Variants in ISLR2 observed in about 807,000 individuals in gnomAD.
ISLR2 encodes immunoglobulin superfamily containing leucine-rich repeat protein 2.
In ISLR2, 16 loss-of-function variants were observed where a neutral mutation model predicts 25.5. The observed-to-expected ratio is 0.63, with a 90% confidence interval of 0.43 to 0.95. ISLR2 has a LOEUF of 0.95. ISLR2 is among the 40% of genes least tolerant of loss of function. The pLI is 0.00. For synonymous variants in ISLR2, 508 were observed against 486.6 expected (o/e 1.04, Z -0.58); for missense variants, 883 against 1,030.7 (o/e 0.86, Z 1.96).
At position 74,133,169 on chromosome 15, in the gene ISLR2, C is replaced by T. The variant is rs374707959; in HGVS notation, c.415C>T (p.Pro139Ser). 1 of 1,613,156 alleles carries T rather than the reference C, an allele frequency of 6.2e-7. No homozygotes were observed. The highest frequency in any genetic ancestry group is 1.7e-5 in the Admixed American group (1 of 60,034). Residue 139 changes from proline to serine, a missense_variant, in exon 3 of 3, where the codon CCC becomes TCC. Around this residue, in one of 2 missense-constraint regions of ISLR2, gnomAD observed 271 missense variants for 387.9 expected, o/e 0.70. Coordinates refer to ENST00000453268, the MANE Select transcript of ISLR2 (RefSeq NM_020851.3). The stretch of plus-strand genomic sequence containing the variant: ...GAACCACAACCGCCTGGGCTCTCTG[C>T]CCCGGGACGCACTCGGTGCGCTACC... ...KMNHNRLGSL[P>S]RDALGALPDL...
At chr15:74,123,406 T>G (rs2072268501), upstream of ISLR2, among the ~76,000 whole-genome samples, 1 of 152,136 alleles carries the variant, frequency 6.6e-6, no homozygotes, top group Non-Finnish European at 1.5e-5. Flanking sequence ...CAAACTGGCT[T>G]CTTCTAAGGC....
chr15:74,137,943 C>CTT (rs1043527263), downstream of ISLR2, among the ~76,000 whole-genome samples: 2 of 150,068 alleles, frequency 1.3e-5, no homozygotes, highest in African/African-American at 4.9e-5. Context: ...TGTTTTCTTT[C>CTT]TTTTTTTTTT....
chr15:74,132,811 A>C lies in ISLR2; in HGVS notation c.57A>C (p.Ser19=), dbSNP rs1026416727. ...LVWALLGVAG[S]CPEPCACVDK... The stretch of plus-strand genomic sequence containing the variant: ...GGGCGCTTCTAGGAGTGGCCGGATC[A>C]TGCCCGGAGCCGTGCGCCTGCGTGG... Residue 19 remains serine (S), a synonymous_variant, in exon 3 of 3, where the codon TCA becomes TCC. Transcript: ENST00000453268. This position sits in a 1 kb window ranked among gnomAD's most constrained non-coding sequence, Gnocchi z 4.3. 9.9e-6 allele frequency: 16 copies of C among 1,613,996 alleles called. No individual in the cohort carries two copies. Among genetic ancestry groups the C allele is most frequent in the Non-Finnish European group, 1.3e-5 (15 of 1,179,972 alleles).
chr15:74,113,257 C>T (rs932165140), intron 2 of ISLR2, among the ~76,000 whole-genome samples: 3 of 152,156 alleles, frequency 2.0e-5, no homozygotes, highest in African/African-American at 4.8e-5. Context: ...ACCAGGTCAC[C>T]GACGGGTACA....
rs750461351 is a variant in ISLR2 at position 74,134,358 on chromosome 15, C to CG, written c.1610dup (p.Gly538ArgfsTer82). The CG allele has an allele frequency of 1.3e-6, 2 of 1,597,452 alleles. No homozygotes were observed. Among genetic ancestry groups the CG allele is most frequent in the Non-Finnish European group, 8.5e-7 (1 of 1,174,258 alleles). On this transcript the variant is annotated frameshift_variant, in exon 3 of 3. Transcript: ENST00000453268. LOFTEE classifies it high-confidence loss of function. ...CTGCGCCTACTCTATCTGTGTCCAGCGGGGGGCGGCGCGGCAGTGCAGTGG... is the reference window on the plus strand; with the variant it reads ...CTGCGCCTACTCTATCTGTGTCCAGCGGGGGGGCGGCGCGGCAGTGCAGTGG...
chr15:74,118,943 C>T (rs569001251), intron 2 of ISLR2, among the ~76,000 whole-genome samples: 15 of 152,128 alleles, frequency 9.9e-5, no homozygotes, highest in Non-Finnish European at 2.2e-4. Context: ...CAGTCTGAGC[C>T]ACCGCACCTG....
chr15:74,107,063 G>C (rs185638408), intron 2 of ISLR2, among the ~76,000 whole-genome samples: 541 of 151,438 alleles, frequency 3.6e-3, no homozygotes, highest in African/African-American at 0.012. Context: ...GGAGGGACTG[G>C]GGGGAGCAAG....
downstream of ISLR2, among the ~76,000 whole-genome samples, chr15:74,140,731 C>T (rs553478436): frequency 6.6e-6 from 1 of 152,124 alleles, no homozygotes; most frequent in African/African-American, 2.4e-5. Context: ...AAGAGAAATC[C>T]TGCTGGGCAG....
At position 74,133,383 on chromosome 15, in the gene ISLR2, C is replaced by T. The variant is rs2072474725; in HGVS notation, c.629C>T (p.Ala210Val). 2.5e-6 allele frequency: 4 copies of T among 1,607,568 alleles called. No individual in the cohort carries two copies. The highest frequency in any genetic ancestry group is 3.3e-5 in the Admixed American group (2 of 60,000). ...TCCTTACCCGAGCCCGACTCCATTG[C>T]TTGTGCCTCGCCTCCCGCGCTGCAG... ...RVSLPEPDSIACASPPALQGV... is the reference protein window; with the variant it reads ...RVSLPEPDSIVCASPPALQGV... Residue 210 changes from alanine to valine, a missense_variant, in exon 3 of 3, where the codon GCT (alanine) becomes GTT (valine). Transcript: ENST00000453268.
At chr15:74,131,391 G>A (rs1467432844) in intron 2 of ISLR2, 75 bp downstream of exon 2, 1 of 152,758 alleles carries the variant, frequency 6.5e-6, no homozygotes, top group Non-Finnish European at 1.5e-5. Flanking sequence ...GATGGGGTGC[G>A]GGGCTGGTGG....
At chr15:74,116,417 A>G (rs2072211728) in intron 2 of ISLR2, among the ~76,000 whole-genome samples, 1 of 152,014 alleles carries the variant, frequency 6.6e-6, no homozygotes, top group African/African-American at 2.4e-5. Context: ...AAAAAAAGGA[A>G]TAAAAATTTT....
rs2072528435 is a variant in ISLR2 at position 74,134,696 on chromosome 15, C to T, written c.1942C>T (p.Arg648Cys). 1.2e-6 allele frequency: 2 copies of T among 1,614,134 alleles called. No individual in the cohort carries two copies. Among genetic ancestry groups the T allele is most frequent in the Non-Finnish European group, 1.7e-6 (2 of 1,180,012 alleles). ...GCGCATCGCCGCAGACTTCGACCCG[C>T]GTGCTTCGTACCTCGAGTCCGAGAA... The part of the protein sequence containing the change: ...EKRIAADFDP[R>C]ASYLESEKSY... The change falls in exon 3 of 3, where the codon CGT becomes TGT. Residue 648 changes from arginine (R) to cysteine (C), a missense_variant. Coordinates refer to ENST00000453268, the MANE Select transcript of ISLR2 (RefSeq NM_020851.3).
chr15:74,110,945 A>C (rs2072161337), intron 2 of ISLR2, among the ~76,000 whole-genome samples: 1 of 152,062 alleles, frequency 6.6e-6, no homozygotes, highest in East Asian at 1.9e-4. Context: ...AGCCTGGGCA[A>C]CGAGAGGAAA....
At position 74,134,960 on chromosome 15, in the gene ISLR2, AT is replaced by A; in HGVS notation, c.2208del (p.Asn737MetfsTer55). ...CGAGGCGGTCAACATCGCCCAGGAG[AT>A]TAATGGCAACTACAGGCAGACGGCA... ...GAEAVNIAQE[I>X]NGNYRQTAG On this transcript the variant is annotated frameshift_variant, in exon 3 of 3. Transcript: ENST00000453268. LOFTEE classifies it high-confidence loss of function. 1.2e-6 allele frequency: 2 copies of A among 1,613,484 alleles called. No homozygotes were observed. Among genetic ancestry groups the A allele is most frequent in the Non-Finnish European group, 1.7e-6 (2 of 1,179,892 alleles).
intron 2 of ISLR2, among the ~76,000 whole-genome samples, chr15:74,121,973 G>A (rs1174341678): frequency 1.3e-5 from 2 of 152,322 alleles, no homozygotes; most frequent in Middle Eastern, 3.4e-3. Flanking sequence ...GCAATGGAGT[G>A]GGGGTACGGG....
At chr15:74,122,008 G>A (rs1421205397) in intron 2 of ISLR2, among the ~76,000 whole-genome samples, 3 of 152,198 alleles carry the variant, frequency 2.0e-5, no homozygotes, top group Non-Finnish European at 4.4e-5. Context: ...GACCTGAAGT[G>A]GGGGCGCCTG....
chr15:74,120,080 A>G (rs1389404018), intron 2 of ISLR2, among the ~76,000 whole-genome samples: 1 of 152,228 alleles, frequency 6.6e-6, no homozygotes, highest in Non-Finnish European at 1.5e-5. Flanking sequence ...CCAGGGCATC[A>G]GCAAGAAACA....
intron 2 of ISLR2, among the ~76,000 whole-genome samples, chr15:74,116,465 CACAA>C (rs977893171): frequency 1.3e-5 from 2 of 150,730 alleles, no homozygotes; most frequent in Admixed American, 6.6e-5. Flanking sequence ...GACTTTTTCA[CACAA>C]ACAAAAGCCA....
At chr15:74,109,631 T>G (rs3869337) in intron 2 of ISLR2, among the ~76,000 whole-genome samples, 12 of 152,284 alleles carry the variant, frequency 7.9e-5, no homozygotes, top group African/African-American at 2.6e-4. Context: ...CCGGGAGGGC[T>G]TGTTAAACCA....
Sources: gnomAD v4.1 joint callset for allele counts (sites outside exome capture counted in the v4.1 genomes callset) on GRCh38, gnomAD v4.1.1 for gene constraint, gnomAD v4.1.1 regional missense constraint, Gnocchi (gnomAD v3.1) non-coding constraint, MANE v1.5 for transcripts, NCBI Gene and HGNC (gene_info 2026-07-23, HGNC 2026-07-21) for gene names.